Variants in NOL10 observed in about 807,000 individuals in gnomAD.
NOL10 encodes the protein H_NH0074G24.1.
Under a neutral mutation model 103.5 loss-of-function variants are expected in NOL10, and 58 were observed. The observed-to-expected ratio is 0.56, with a 90% CI of 0.45 to 0.70. NOL10 has a LOEUF of 0.70. NOL10 is among the 30% of genes least tolerant of loss of function. The pLI is 0.00. For synonymous variants in NOL10, 287 were observed against 282.5 expected (o/e 1.02, Z -0.16); for missense variants, 763 against 807.3 (o/e 0.95, Z 0.67).
At chr2:10,587,328 T>C (rs1431074320) in intron 19 of NOL10, among the ~76,000 whole-genome samples, 2 of 140,252 alleles carry the variant, frequency 1.4e-5, no homozygotes, top group Admixed American at 7.4e-5. Flanking sequence ...TGGAGTGCAG[T>C]GGCGTGATCT....
intron 13 of NOL10, among the ~76,000 whole-genome samples, chr2:10,622,574 A>G (rs1677211967): frequency 6.6e-6 from 1 of 152,074 alleles, no homozygotes; most frequent in Admixed American, 6.5e-5. Flanking sequence ...AGTCCCTTAC[A>G]CTATCAAACT....
At chr2:10,684,862 C>T (rs12474625) in intron 1 of NOL10, among the ~76,000 whole-genome samples, 39,835 of 151,998 alleles carry the variant, frequency 0.26, 5,723 homozygotes, top group Non-Finnish European at 0.33. Flanking sequence ...GACAGGGTCT[C>T]ATGCTTGCCC....
At chr2:10,679,492 C>CA (rs1206514078) in intron 3 of NOL10, among the ~76,000 whole-genome samples, 3 of 151,790 alleles carry the variant, frequency 2.0e-5, no homozygotes, top group East Asian at 3.9e-4. Context: ...AACCCTGTCT[C>CA]AAAAAAAATA....
chr2:10,589,332 C>G (rs368109640), intron 18 of NOL10, 42 bp from the exon 19 acceptor site: 168 of 1,605,566 alleles, frequency 1.0e-4, no homozygotes, highest in Non-Finnish European at 1.3e-4. Flanking sequence ...TTCCCCCAGT[C>G]AAACACAGAC....
rs1382358826 is a variant in NOL10 at position 10,671,404 on chromosome 2, CTTTTCT to C, written c.464+144_464+149del. On this transcript the variant is annotated intron_variant, in intron 6 of 20. Transcript: ENST00000381685. ...GAATTTTTTGCCTATCCTGTGTTTT[CTTTTCT>C]TTTTTTTTTTTTTTTTACAAGAGCC... 225 of 656,104 alleles carry C rather than the reference CTTTTCT, an allele frequency of 3.4e-4. 2 individuals are homozygous for C. In the African/African-American group the frequency reaches 4.1e-3, roughly 12 times the overall value. The allele number at this position is 656,104 out of a possible 1,614,324, so 40.6% of individuals were successfully genotyped here. A position where few individuals can be genotyped will look rare whatever the true frequency, so the allele number is the denominator to read the frequency against.
At chr2:10,584,230 C>G (rs753734470) in intron 19 of NOL10, among the ~76,000 whole-genome samples, 4 of 152,182 alleles carry the variant, frequency 2.6e-5, no homozygotes, top group Non-Finnish European at 4.4e-5. Flanking sequence ...CCCATGAGCG[C>G]TTCAGGTACG....
chr2:10,632,234 T>C (rs1572335203), intron 13 of NOL10, among the ~76,000 whole-genome samples: 1 of 152,084 alleles, frequency 6.6e-6, no homozygotes, highest in African/African-American at 2.4e-5. Flanking sequence ...AAAGACAAAA[T>C]GACGCCCCTG....
At chr2:10,589,409 T>A in intron 18 of NOL10, 119 bp from the exon 19 acceptor site, 1 of 1,364,242 alleles carries the variant, frequency 7.3e-7, no homozygotes, top group South Asian at 1.5e-5. Context: ...ACTGCATGCA[T>A]CAGGAGAAAT....
chr2:10,606,501 G>A (rs1344676042), intron 14 of NOL10, among the ~76,000 whole-genome samples: 3 of 151,504 alleles, frequency 2.0e-5, no homozygotes, highest in East Asian at 1.9e-4. Context: ...CCAGCTACTC[G>A]GGAGGTTGAG....
Position 10,587,289 on chromosome 2 carries a change from TGAGA to T in NOL10, c.1844+1750_1844+1753del. Reference sequence around the variant, plus strand: ...TATATATATATATTTTTTTTTTTTTTGAGATGGAGTCTAGTTCTGTTGCCAGACT... The same window carrying T: ...TATATATATATATTTTTTTTTTTTTTTGGAGTCTAGTTCTGTTGCCAGACT... On this transcript the variant is annotated intron_variant, in intron 19 of 20. Coordinates refer to ENST00000381685, the MANE Select transcript of NOL10 (RefSeq NM_024894.4). Among the ~76,000 whole-genome samples the T allele has an allele frequency of 2.6e-5, 3 of 114,876 alleles. No individual in the cohort carries two copies. The Admixed American group carries it at 2.9e-4, about 11-fold the overall frequency. 75.4% of individuals were successfully genotyped at this position (114,876 alleles called of 152,430 possible).
At chr2:10,622,015 C>T in intron 13 of NOL10, 1 of 468,660 alleles carries the variant, frequency 2.1e-6, no homozygotes, top group Non-Finnish European at 4.4e-6. Context: ...GCAGTACTCA[C>T]ATTTCAAGTG....
chr2:10,635,133 A>C (rs1678115240), intron 13 of NOL10, among the ~76,000 whole-genome samples: 1 of 152,242 alleles, frequency 6.6e-6, no homozygotes, highest in Non-Finnish European at 1.5e-5. Flanking sequence ...CACTTTATAC[A>C]CACAGACTGA....
chr2:10,644,607 G>A (rs1193235474), intron 12 of NOL10, among the ~76,000 whole-genome samples: 1 of 152,098 alleles, frequency 6.6e-6, no homozygotes, highest in Non-Finnish European at 1.5e-5. Flanking sequence ...AAAACTGACT[G>A]CAAAACAAAA....
intron 17 of NOL10, among the ~76,000 whole-genome samples, chr2:10,590,636 G>A (rs1389066797): frequency 6.6e-6 from 1 of 152,158 alleles, no homozygotes; most frequent in Non-Finnish European, 1.5e-5. Context: ...TCAACTAATT[G>A]TTGTCAAAGG....
chr2:10,676,511 G>A (rs1371666987), intron 3 of NOL10, among the ~76,000 whole-genome samples: 1 of 152,184 alleles, frequency 6.6e-6, no homozygotes, highest in Non-Finnish European at 1.5e-5. Flanking sequence ...AGTAACCATT[G>A]ACATGGAAAG....
chr2:10,608,811 T>A (rs116618134), intron 13 of NOL10, among the ~76,000 whole-genome samples: 6,008 of 152,228 alleles, frequency 0.039, 236 homozygotes, highest in African/African-American at 0.1. Context: ...TCTCTTCACC[T>A]CAACACAGCT....
intron 1 of NOL10, among the ~76,000 whole-genome samples, chr2:10,685,807 T>C (rs1682155919): frequency 1.3e-5 from 2 of 151,690 alleles, no homozygotes; most frequent in African/African-American, 4.8e-5. Context: ...AGTGCAGTGG[T>C]TCATATCTAT....
intron 1 of NOL10, among the ~76,000 whole-genome samples, chr2:10,685,488 T>TCCCCCCCCCCC (rs56198509): frequency 2.4e-4 from 2 of 8,392 alleles, no homozygotes; most frequent in African/African-American, 3.4e-4. Context: ...AGAGACTCCG[T>TCCCCCCCCCCC]CCCCCCCCCC....
rs1674150762 is a variant in NOL10, at chr2:10,571,012, C to T, written c.*1059G>A. 1 of 152,134 alleles carries T rather than the reference C, an allele frequency of 6.6e-6. No individual in the cohort carries two copies. The highest frequency in any genetic ancestry group is 1.5e-5 in the Non-Finnish European group (1 of 68,024). The allele number at this position is 152,134 out of a possible 1,614,324, so 9.4% of individuals were successfully genotyped here. The stretch of plus-strand genomic sequence containing the variant: ...GAATATCTGTATTATATTTACTAGT[C>T]AAGTATCCCAAATCTGAAAATCCAA... On this transcript the variant is annotated 3_prime_UTR_variant, in exon 21 of 21. Transcript: ENST00000381685.
Sources: allele counts gnomAD v4.1 joint callset (sites outside exome capture counted in the v4.1 genomes callset), GRCh38; gene constraint gnomAD v4.1.1; transcripts MANE v1.5; gene names NCBI Gene and HGNC (gene_info 2026-07-23, HGNC 2026-07-21).